Variants in CPLANE1 observed in about 807,000 individuals in gnomAD.
The protein encoded by CPLANE1 is ciliogenesis and planar polarity effector 1.
In CPLANE1, 263 loss-of-function variants were observed where a neutral mutation model predicts 362.5. The observed-to-expected ratio is 0.73, with a 90% CI of 0.66 to 0.80. CPLANE1 has a LOEUF of 0.80. Among genes scored for constraint, CPLANE1 ranks in the 30% least tolerant of loss-of-function variants. The pLI is 0.00. For synonymous variants in CPLANE1, 1,212 were observed against 1,302.6 expected, an observed-to-expected ratio of 0.93 and a Z score of 1.50; for missense variants, 3,461 against 3,793.4, an observed-to-expected ratio of 0.91 and a Z score of 2.30.
chr5:37,248,410 G>A (rs1227662856), intron 1 of CPLANE1, among the ~76,000 whole-genome samples: 1 of 152,040 alleles, frequency 6.6e-6, no homozygotes, highest in African/African-American at 2.4e-5. Context: ...GATTACAGGC[G>A]TGATCCACTG....
chr5:37,085,337 G>A, the CPLANE1 span: 8 of 1,330,834 alleles, frequency 6.0e-6, no homozygotes, highest in East Asian at 2.3e-5. Flanking sequence ...TTGACAAGAC[G>A]GGAGATAATT....
At position 37,113,921 on chromosome 5, in the gene CPLANE1, T is replaced by G. The variant is rs557122882; in HGVS notation, c.9400+1039A>C. The stretch of plus-strand genomic sequence containing the variant: ...TCCGCCTGCTGGGTTCAAGTGATTC[T>G]CCTGCCTCAGCCTCCCAAGTAGCTG... On this transcript the variant is annotated intron_variant, in intron 51 of 52. Transcript: ENST00000651892. 2.6e-5 allele frequency among the ~76,000 whole-genome samples: 4 copies of G among 152,322 alleles called. No homozygotes were observed. The South Asian group carries it at 8.3e-4, about 32-fold the overall frequency.
chr5:37,154,289 C>T (rs1373139170), intron 41 of CPLANE1, among the ~76,000 whole-genome samples: 1 of 151,906 alleles, frequency 6.6e-6, no homozygotes, highest in Non-Finnish European at 1.5e-5. Flanking sequence ...TTTTCAAATT[C>T]TACTTGAAAA....
chr5:37,248,150 G>C (rs184114632), intron 1 of CPLANE1, among the ~76,000 whole-genome samples: 9 of 150,668 alleles, frequency 6.0e-5, no homozygotes, highest in Admixed American at 6.0e-4. Flanking sequence ...TTTCTGAGTT[G>C]AAGTTTTGCT....
rs573405287 is a variant in CPLANE1 at position 37,159,272 on chromosome 5, C to T, written c.7691-927G>A. The stretch of plus-strand genomic sequence containing the variant: ...GACTACAGGCGCCCGCCACCGCGCC[C>T]GGCTAATTTTTTGTATTTTTAGTAG... On this transcript the variant is annotated intron_variant, in intron 38 of 52. Transcript: ENST00000651892. Among the ~76,000 whole-genome samples, 145 of 147,870 alleles carry T rather than the reference C, an allele frequency of 9.8e-4. 1 individual carries two copies. The highest frequency in any genetic ancestry group is 1.7e-3 in the Non-Finnish European group (111 of 67,054).
intron 51 of CPLANE1, among the ~76,000 whole-genome samples, chr5:37,109,937 G>A (rs1179629394): frequency 6.6e-6 from 1 of 152,188 alleles, no homozygotes; most frequent in Non-Finnish European, 1.5e-5. Context: ...GATTACAGGA[G>A]TGAGCCACTG....
At chr5:37,099,185 T>C in the CPLANE1 span, among the ~76,000 whole-genome samples, 5 of 152,306 alleles carry the variant, frequency 3.3e-5, no homozygotes, top group African/African-American at 4.8e-5. Context: ...GTTTGTTACA[T>C]AGGTAAATGT....
At chr5:37,203,296 G>A (rs768162537) in intron 18 of CPLANE1, among the ~76,000 whole-genome samples, 1 of 152,064 alleles carries the variant, frequency 6.6e-6, no homozygotes, top group South Asian at 2.1e-4. Context: ...TGTAGTCTTC[G>A]TTCCTGACTT....
intron 47 of CPLANE1, among the ~76,000 whole-genome samples, chr5:37,123,025 A>G (rs759046324): frequency 2.0e-5 from 3 of 152,252 alleles, no homozygotes; most frequent in Non-Finnish European, 4.4e-5. Context: ...AAGTAGGAAC[A>G]TTTTAGGTGG....
At chr5:37,120,381 C>A in intron 49 of CPLANE1, 41 bp from the exon 50 acceptor site, 1 of 1,511,772 alleles carries the variant, frequency 6.6e-7, no homozygotes, top group Non-Finnish European at 8.9e-7. Context: ...CCCAGAATCT[C>A]ATATCAGCGA....
At chr5:37,109,669 GTTT>G (rs1258976108) in intron 51 of CPLANE1, among the ~76,000 whole-genome samples, 1 of 151,906 alleles carries the variant, frequency 6.6e-6, no homozygotes, top group Non-Finnish European at 1.5e-5. Context: ...TATCTTTTTT[GTTT>G]TTTGAGACGG....
intron 21 of CPLANE1, among the ~76,000 whole-genome samples, chr5:37,191,291 G>A (rs1025517675): frequency 3.5e-4 from 54 of 152,218 alleles, no homozygotes; most frequent in African/African-American, 1.1e-3. Flanking sequence ...GTAGCACTTC[G>A]GCAGGCTGAG....
rs775784192 is a variant in CPLANE1 at position 37,173,952 on chromosome 5, G to A, written c.5979-5C>T. On this transcript the variant is annotated splice_polypyrimidine_tract_variant and splice_region_variant and intron_variant, in intron 31 of 52. Transcript: ENST00000651892. Reference sequence around the variant, plus strand: ...TTATATGTAGAAATCTGTGCACTGCGTGGAAAGCATTTAAATAAAAAACAT... The same window carrying A: ...TTATATGTAGAAATCTGTGCACTGCATGGAAAGCATTTAAATAAAAAACAT... 30 of 1,603,638 alleles carry A rather than the reference G, an allele frequency of 1.9e-5. No homozygotes were observed. Among genetic ancestry groups the A allele is most frequent in the South Asian group, 6.7e-5 (6 of 90,030 alleles).
At position 37,145,260 on chromosome 5, in the gene CPLANE1, A is replaced by G. The variant is rs1771184082; in HGVS notation, c.8462-2780T>C. ...GCAGTGGTTGCAGTGAGCTGAGATC[A>G]CACCACTGCACTCTCCAGACTGGGC... On this transcript the variant is annotated intron_variant, in intron 43 of 52. Coordinates refer to ENST00000651892, the MANE Select transcript of CPLANE1 (RefSeq NM_001384732.1). 2.0e-5 allele frequency among the ~76,000 whole-genome samples: 3 copies of G among 152,124 alleles called. No homozygotes were observed. The South Asian group carries it at 6.2e-4, about 32-fold the overall frequency.
intron 19 of CPLANE1, 112 bp from the exon 20 acceptor site, chr5:37,198,978 T>A (rs151257012): frequency 3.0e-6 from 3 of 986,466 alleles, no homozygotes; most frequent in Non-Finnish European, 3.0e-6. Flanking sequence ...ACGCCTGTAA[T>A]CCCAGCACTT....
chr5:37,110,807 T>TTC lies in CPLANE1; in HGVS notation c.9401-2337_9401-2336insGA, dbSNP rs1448761959. ...GAACCTGGGCTAATGTATTAACTTT[T>TTC]TTTTTTTTTTTTTTTTTTGAGATGG... On this transcript the variant is annotated intron_variant, in intron 51 of 52. Coordinates refer to ENST00000651892, the MANE Select transcript of CPLANE1 (RefSeq NM_001384732.1). Among the ~76,000 whole-genome samples the TTC allele has an allele frequency of 2.0e-4, 29 of 147,050 alleles. 1 individual carries two copies. Among genetic ancestry groups the TTC allele is most frequent in the Admixed American group, 2.0e-3 (29 of 14,778 alleles).
At chr5:37,164,167 C>T in intron 37 of CPLANE1, 106 bp downstream of exon 37, 1 of 841,764 alleles carries the variant, frequency 1.2e-6, no homozygotes, top group Non-Finnish European at 2.0e-6. Flanking sequence ...AATTTGTAGT[C>T]AGCTGGGCAG....
At chr5:37,120,036 C>T (rs1358703985) in intron 50 of CPLANE1, among the ~76,000 whole-genome samples, 180 bp downstream of exon 50, 1 of 151,714 alleles carries the variant, frequency 6.6e-6, no homozygotes, top group African/African-American at 2.4e-5. Flanking sequence ...TTCCTAGGGC[C>T]TTACTTCAAA....
At position 37,164,325 on chromosome 5, in the gene CPLANE1, T is replaced by G. The variant is rs1777670772; in HGVS notation, c.7536A>C (p.Glu2512Asp). The change falls in exon 37 of 53, where the codon GAA (glutamate) becomes GAC (aspartate). Residue 2512 changes from glutamate (E) to aspartate (D), a missense_variant and splice_region_variant. Coordinates refer to ENST00000651892, the MANE Select transcript of CPLANE1 (RefSeq NM_001384732.1). ...DDSEIIKKPK[E>D]QQEHCGSHPL... is the part of the protein sequence containing the mutation. ...GATGGGAACCACAATGTTCTTGTTG[T>G]TCCTAAATGAATTCCCACAGGATTA... 6.2e-7 allele frequency: 1 copy of G among 1,612,906 alleles called. No individual in the cohort carries two copies. Among genetic ancestry groups the G allele is most frequent in the Non-Finnish European group, 8.5e-7 (1 of 1,178,964 alleles).
Sources: allele counts gnomAD v4.1 joint callset (sites outside exome capture counted in the v4.1 genomes callset), GRCh38; gene constraint gnomAD v4.1.1; transcripts MANE v1.5; gene names NCBI Gene and HGNC (gene_info 2026-07-23, HGNC 2026-07-21).